The following USH2A variants were observed in gnomAD, a reference collection of about 807,000 sequenced individuals.
The protein encoded by USH2A is Usher syndrome 2A (autosomal recessive, mild).
Under a neutral mutation model 538.9 loss-of-function variants are expected in USH2A, and 443 were observed. The ratio of observed to expected loss-of-function variants is 0.82; its 90% CI spans 0.76 to 0.89. The LOEUF (loss-of-function observed/expected upper bound fraction) is 0.89. Among genes scored for constraint, USH2A ranks in the 40% least tolerant of loss-of-function variants. USH2A has a pLI of 0.00. For synonymous variants in USH2A, 2,413 were observed against 2,273.5 expected (o/e 1.06, Z -1.75); for missense variants, 6,633 against 6,324.8 (o/e 1.05, Z -1.65).
chr1:216,218,591 C>T (rs528274712), intron 14 of USH2A, among the ~76,000 whole-genome samples: 1 of 152,212 alleles, frequency 6.6e-6, no homozygotes, highest in Non-Finnish European at 1.5e-5. Flanking sequence ...CTTAAAAAGG[C>T]TGATAAAAGC....
At chr1:216,086,402 A>G (rs1352103565) in intron 24 of USH2A, among the ~76,000 whole-genome samples, 1 of 152,128 alleles carries the variant, frequency 6.6e-6, no homozygotes, top group Non-Finnish European at 1.5e-5. Flanking sequence ...TTTCACATTC[A>G]ATTTAAAATC....
At chr1:215,889,999 G>T (rs1665168642) in intron 40 of USH2A, among the ~76,000 whole-genome samples, 1 of 152,132 alleles carries the variant, frequency 6.6e-6, no homozygotes, top group Non-Finnish European at 1.5e-5. Flanking sequence ...TAAAATGCAG[G>T]TGCTTTTTAT....
intron 4 of USH2A, among the ~76,000 whole-genome samples, chr1:216,343,005 T>G (rs1161276521): frequency 6.6e-6 from 1 of 151,816 alleles, no homozygotes; most frequent in African/African-American, 2.4e-5. Flanking sequence ...GAAATAAAAT[T>G]TTTTTTAAGT....
At chr1:216,018,817 C>G (rs1225080072) in intron 32 of USH2A, among the ~76,000 whole-genome samples, 16 of 136,596 alleles carry the variant, frequency 1.2e-4, no homozygotes, top group Non-Finnish European at 6.4e-5. Flanking sequence ...TTATTATTAT[C>G]TCTGTGACTA....
intron 31 of USH2A, among the ~76,000 whole-genome samples, chr1:216,047,233 A>G (rs1313855175): frequency 2.0e-5 from 3 of 152,166 alleles, no homozygotes; most frequent in Non-Finnish European, 4.4e-5. Flanking sequence ...ATAAAAAAGG[A>G]AATATAAACA....
chr1:215,937,831 T>C (rs1356025562), intron 37 of USH2A, among the ~76,000 whole-genome samples: 1 of 152,078 alleles, frequency 6.6e-6, no homozygotes, highest in Non-Finnish European at 1.5e-5. Context: ...AAATACAAAA[T>C]CAATGAGTAA....
chr1:216,312,358 C>A (rs1025499874), intron 9 of USH2A, among the ~76,000 whole-genome samples: 1 of 152,032 alleles, frequency 6.6e-6, no homozygotes, highest in African/African-American at 2.4e-5. Flanking sequence ...ATGAAAAATT[C>A]TTAGTCATTA....
At chr1:216,342,982 C>T (rs2038104994) in intron 4 of USH2A, among the ~76,000 whole-genome samples, 2 of 151,986 alleles carry the variant, frequency 1.3e-5, no homozygotes, top group African/African-American at 4.8e-5. Flanking sequence ...ACAAGTATCC[C>T]AGAACTTAAA....
chr1:216,073,330 TA>T (rs1260107612), intron 27 of USH2A, 30 bp from the exon 28 acceptor site: 1 of 1,528,158 alleles, frequency 6.5e-7, no homozygotes, highest in Non-Finnish European at 8.7e-7. Context: ...TAGTATCGCA[TA>T]AAGGGCTTGA....
chr1:215,814,095 AG>A (rs1662786814), intron 48 of USH2A, among the ~76,000 whole-genome samples, 191 bp from the exon 49 acceptor site: 1 of 150,676 alleles, frequency 6.6e-6, no homozygotes, highest in Admixed American at 6.6e-5. Flanking sequence ...GATAGAATGC[AG>A]CTTTTTTGAA....
intron 37 of USH2A, among the ~76,000 whole-genome samples, chr1:215,944,582 G>A (rs1666713775): frequency 6.6e-6 from 1 of 152,074 alleles, no homozygotes; most frequent in Non-Finnish European, 1.5e-5. Context: ...AGGAAATGAA[G>A]CTGGACAAAA....
At chr1:216,345,626 G>C (rs1042469726) in intron 4 of USH2A, among the ~76,000 whole-genome samples, 4 of 152,098 alleles carry the variant, frequency 2.6e-5, no homozygotes, top group African/African-American at 9.7e-5. Flanking sequence ...TGTGAGGCTA[G>C]TTTTAAGCTA....
In USH2A at chr1:216,231,987, C is replaced by A; in HGVS notation, c.2959G>T (p.Asp987Tyr). 3 of 1,614,024 alleles carry A rather than the reference C, an allele frequency of 1.9e-6. No individual in the cohort carries two copies. Among genetic ancestry groups the A allele is most frequent in the Non-Finnish European group, 2.5e-6 (3 of 1,179,902 alleles). Residue 987 changes from aspartate (D) to tyrosine (Y), a missense_variant, in exon 14 of 72, where the codon GAC (aspartate) becomes TAC (tyrosine). By Grantham distance (160) the Asp-to-Tyr change is radical. Coordinates refer to ENST00000307340, the MANE Select transcript of USH2A (RefSeq NM_206933.4). The part of the protein sequence containing the change: ...IAGQRCDQCK[D>Y]HYFGFDPQTG... ...TGAGGATCAAATCCAAAGTAATGGT[C>A]TTTGCATTGGTCACAACGTTGCCCA... is the stretch of plus-strand genomic sequence containing the variant.
At chr1:216,236,472 C>G (rs889393457) in intron 13 of USH2A, among the ~76,000 whole-genome samples, 1 of 152,152 alleles carries the variant, frequency 6.6e-6, no homozygotes, top group Non-Finnish European at 1.5e-5. Context: ...TTAACACCAA[C>G]ATAGTCTCTG....
Position 216,256,117 on chromosome 1 carries a change from T to C in USH2A, c.1972-5019A>G, listed in dbSNP as rs1342604161. 4.6e-5 allele frequency among the ~76,000 whole-genome samples: 7 copies of C among 152,080 alleles called. No individual in the cohort carries two copies. The East Asian group carries it at 1.3e-3, about 29-fold the overall frequency. ...TTTCCAACATTTACTTTTAACCTAG[T>C]TGTGTCTTATACTTAAATATCTTTT... On this transcript the variant is annotated intron_variant, in intron 11 of 71. Coordinates refer to ENST00000307340, the MANE Select transcript of USH2A (RefSeq NM_206933.4).
At chr1:215,730,162 G>A (rs1024380752) in intron 60 of USH2A, among the ~76,000 whole-genome samples, 16 of 152,114 alleles carry the variant, frequency 1.1e-4, no homozygotes, top group East Asian at 1.9e-4. Flanking sequence ...TTGTTGAGAC[G>A]GCCCTATATA....
At chr1:216,259,855 G>A (rs768293884) in intron 11 of USH2A, among the ~76,000 whole-genome samples, 10 of 151,876 alleles carry the variant, frequency 6.6e-5, no homozygotes, top group Non-Finnish European at 7.4e-5. Flanking sequence ...TAATTTTAAT[G>A]AGACCAGCAG....
intron 35 of USH2A, among the ~76,000 whole-genome samples, chr1:215,971,620 CAAAT>C (rs1036795216): frequency 2.4e-4 from 36 of 152,066 alleles, no homozygotes; most frequent in Admixed American, 2.2e-3. Context: ...GAACTACAAA[CAAAT>C]GAACTACCAG....
chr1:216,415,867 C>G (rs1030648502), intron 3 of USH2A, among the ~76,000 whole-genome samples: 1 of 151,924 alleles, frequency 6.6e-6, no homozygotes, highest in African/African-American at 2.4e-5. Flanking sequence ...TCAGTACATT[C>G]CTTTTTCAAA....
Sources: gnomAD v4.1 joint callset for allele counts (sites outside exome capture counted in the v4.1 genomes callset) on GRCh38, gnomAD v4.1.1 for gene constraint, MANE v1.5 for transcripts, NCBI Gene and HGNC (gene_info 2026-07-23, HGNC 2026-07-21) for gene names.